Variants in CELSR2 observed in about 807,000 individuals in gnomAD.
CELSR2 encodes EGF-like protein 2.
CELSR2 carries 81 observed loss-of-function variants against 251.6 expected under a neutral mutation model. The observed-to-expected ratio is 0.32, with a 90% CI of 0.27 to 0.39. The LOEUF is 0.39. Among genes scored for constraint, CELSR2 ranks in the 10% least tolerant of loss-of-function variants. CELSR2 has a pLI of 1.00. For synonymous variants in CELSR2, 1,721 were observed against 1,670.5 expected (o/e 1.03, Z -0.74); for missense variants, 3,365 against 3,947.7 (o/e 0.85, Z 3.96).
chr1:109,267,863 C>T lies in CELSR2; in HGVS notation c.6121C>T (p.Gln2041Ter). 6.2e-7 allele frequency: 1 copy of T among 1,602,956 alleles called. No homozygotes were observed. The highest frequency in any genetic ancestry group is 8.5e-7 in the Non-Finnish European group (1 of 1,174,958). The change falls in exon 17 of 34, where the codon CAG becomes TAG. Residue 2041 changes from glutamine (Q) to a stop codon, truncating the protein, a stop_gained. Transcript: ENST00000271332. LOFTEE classifies it high-confidence loss of function. Reference sequence around the variant, plus strand: ...CCGTCCTGTCTAGGCTGAGCGGCTACAGCGGAATGAGTCAGGCCTAGACTC... The same window carrying T: ...CCGTCCTGTCTAGGCTGAGCGGCTATAGCGGAATGAGTCAGGCCTAGACTC... The part of the protein sequence containing the change: ...SELKGFAERL[Q>*]RNESGLDSGR...
rs1656364160 is a variant in CELSR2 at position 109,271,260 on chromosome 1, C to T, written c.7640C>T (p.Ala2547Val). 1 of 1,614,058 alleles carries T rather than the reference C, an allele frequency of 6.2e-7. No individual in the cohort carries two copies. The highest frequency in any genetic ancestry group is 2.2e-5 in the East Asian group (1 of 44,868). Reference sequence around the variant, plus strand: ...ATCCTGGCGGCCCGGGCCTCCTGTGCTGCCCAGCGGCAGGGCTTTGAGAAG... The same window carrying T: ...ATCCTGGCGGCCCGGGCCTCCTGTGTTGCCCAGCGGCAGGGCTTTGAGAAG... ...LYILAARASC[A>V]AQRQGFEKKG... Residue 2547 changes from alanine to valine, a missense_variant, in exon 26 of 34, where the codon GCT becomes GTT. Physicochemically the swap from Ala to Val is moderately conservative, Grantham distance 64. This residue lies in a region of CELSR2 where 2,093 missense variants were observed against 2,382.8 expected (regional missense o/e 0.88). Coordinates refer to ENST00000271332, the MANE Select transcript of CELSR2 (RefSeq NM_001408.3).
Position 109,261,603 on chromosome 1 carries a change from G to T in CELSR2, c.4272G>T (p.Glu1424Asp). 2 of 1,614,108 alleles carry T rather than the reference G, an allele frequency of 1.2e-6. No individual in the cohort carries two copies. The highest frequency in any genetic ancestry group is 1.7e-6 in the Non-Finnish European group (2 of 1,179,960). Residue 1424 changes from glutamate (E) to aspartate (D), a missense_variant, in exon 4 of 34, where the codon GAG (glutamate) becomes GAT (aspartate). By Grantham distance (45) the Glu-to-Asp change is conservative (BLOSUM62 2). Coordinates refer to ENST00000271332, the MANE Select transcript of CELSR2 (RefSeq NM_001408.3). The surrounding 1 kb of genome is among the most constrained non-coding windows in gnomAD (Gnocchi z 4.8). ...HDFVALEVIQ[E>D]QVQLTFSAGE... is the part of the protein sequence containing the mutation. ...TTGTGGCCCTCGAGGTGATCCAGGA[G>T]CAGGTCCAGCTCACCTTCTCTGCAG...
chr1:109,271,945 T>C (rs1158589376), intron 28 of CELSR2, among the ~76,000 whole-genome samples: 1 of 152,214 alleles, frequency 6.6e-6, no homozygotes, highest in African/African-American at 2.4e-5. Context: ...AATCAGGTAA[T>C]AAGTGCCTTG....
rs1376040101 is a variant in CELSR2, at chr1:109,251,197, G to A, written c.1118G>A (p.Gly373Asp). The change falls in exon 1 of 34, where the codon GGT becomes GAT. Residue 373 changes from glycine (G) to aspartate (D), a missense_variant. Physicochemically the swap from Gly to Asp is moderately conservative, Grantham distance 94. Around this residue, in one of 5 missense-constraint regions of CELSR2, gnomAD observed 704 missense variants for 784.1 expected, o/e 0.90. Coordinates refer to ENST00000271332, the MANE Select transcript of CELSR2 (RefSeq NM_001408.3). This position sits in a 1 kb window ranked among gnomAD's most constrained non-coding sequence, Gnocchi z 4.9. ...CTGACGGTAGAGGCAAGTGACCAGGGTCGGGACCCGGGTCCTCGGAGTACC... is the reference window on the plus strand; with the variant it reads ...CTGACGGTAGAGGCAAGTGACCAGGATCGGGACCCGGGTCCTCGGAGTACC... ...YQLTVEASDQGRDPGPRSTTA... is the reference protein window; with the variant it reads ...YQLTVEASDQDRDPGPRSTTA... 1.2e-6 allele frequency: 2 copies of A among 1,613,770 alleles called. No homozygotes were observed. The highest frequency in any genetic ancestry group is 1.3e-5 in the African/African-American group (1 of 75,014).
intron 29 of CELSR2, 41 bp downstream of exon 29, chr1:109,272,446 G>GCC (rs747164268): frequency 6.3e-7 from 1 of 1,582,064 alleles, no homozygotes; most frequent in South Asian, 1.1e-5. Flanking sequence ...GGGAGGAGGG[G>GCC]CCCACGCATG....
rs746810110 is a variant in CELSR2 at position 109,269,460 on chromosome 1, G to T, written c.6849G>T (p.Val2283=). The part of the protein sequence containing the change: ...PKRPIINTPV[V]SISVHDDEEL... ...GCCCGATCATCAACACACCCGTGGT[G>T]AGCATCAGCGTCCATGATGATGAGG... Residue 2283 remains valine (V), a synonymous_variant, in exon 21 of 34, where the codon GTG becomes GTT. Coordinates refer to ENST00000271332, the MANE Select transcript of CELSR2 (RefSeq NM_001408.3). The surrounding 1 kb of genome is among the most constrained non-coding windows in gnomAD (Gnocchi z 6.4). 6.2e-7 allele frequency: 1 copy of T among 1,614,054 alleles called. No homozygotes were observed.
In CELSR2 at chr1:109,258,714, C is replaced by T; in HGVS notation, c.3593C>T (p.Pro1198Leu). The T allele has an allele frequency of 7.1e-6, 11 of 1,554,568 alleles. No homozygotes were observed. The South Asian group carries it at 1.3e-4, about 18-fold the overall frequency. Residue 1198 changes from proline to leucine, a missense_variant, in exon 2 of 34, where the codon CCC (proline) becomes CTC (leucine). Transcript: ENST00000271332. ...GQPPGPGGGP[P>L]FLPSEDLQER... The stretch of plus-strand genomic sequence containing the variant: ...CCGCCAGGGCCCGGGGGCGGGCCGC[C>T]CTTCCTGCCCTCTGAGGACCTGCAG...
At position 109,252,721 on chromosome 1, in the gene CELSR2, G is replaced by A. The variant is rs1425992292; in HGVS notation, c.2642G>A (p.Arg881Gln). Reference protein sequence around the residue: ...GIVRTLRRLDRENVAQYVLRA... With the variant: ...GIVRTLRRLDQENVAQYVLRA... Reference sequence around the variant, plus strand: ...GTGCGAACGCTACGGAGGCTGGATCGAGAGAACGTGGCCCAGTATGTCTTG... The same window carrying A: ...GTGCGAACGCTACGGAGGCTGGATCAAGAGAACGTGGCCCAGTATGTCTTG... The change falls in exon 1 of 34, where the codon CGA (arginine) becomes CAA (glutamine). Residue 881 changes from arginine (R) to glutamine (Q), a missense_variant. Coordinates refer to ENST00000271332, the MANE Select transcript of CELSR2 (RefSeq NM_001408.3). This position sits in a 1 kb window ranked among gnomAD's most constrained non-coding sequence, Gnocchi z 4.8. The A allele has an allele frequency of 2.5e-6, 4 of 1,614,046 alleles. No homozygotes were observed. Among genetic ancestry groups the A allele is most frequent in the South Asian group, 1.1e-5 (1 of 91,086 alleles).
chr1:109,261,650 C>T lies in CELSR2; in HGVS notation c.4297+22C>T, dbSNP rs778102509. On this transcript the variant is annotated intron_variant, in intron 4 of 33. Coordinates refer to ENST00000271332, the MANE Select transcript of CELSR2 (RefSeq NM_001408.3). The surrounding 1 kb of genome is among the most constrained non-coding windows in gnomAD (Gnocchi z 4.8). ...GCAGGTGATCACAGTTGCCCCCCAT[C>T]CTTGCCCATCTTCCAAAGGCCCCAA... The T allele has an allele frequency of 6.3e-7, 1 of 1,599,392 alleles. No homozygotes were observed. The highest frequency in any genetic ancestry group is 1.1e-5 in the South Asian group (1 of 90,820).
chr1:109,252,900 G>A lies in CELSR2; in HGVS notation c.2821G>A (p.Ala941Thr). The part of the protein sequence containing the change: ...EENSPIGLAV[A>T]RVTATDPDEG... ...GAACAGCCCCATTGGGCTAGCCGTG[G>A]CCCGGGTCACAGCCACTGACCCCGA... The change falls in exon 1 of 34, where the codon GCC becomes ACC. Residue 941 changes from alanine (A) to threonine (T), a missense_variant. By Grantham distance (58) the Ala-to-Thr change is moderately conservative. Around this residue, in one of 5 missense-constraint regions of CELSR2, gnomAD observed 505 missense variants for 660.0 expected, o/e 0.77. Transcript: ENST00000271332. This position sits in a 1 kb window ranked among gnomAD's most constrained non-coding sequence, Gnocchi z 4.8. The A allele has an allele frequency of 6.2e-7, 1 of 1,612,580 alleles. No individual in the cohort carries two copies. Among genetic ancestry groups the A allele is most frequent in the Non-Finnish European group, 8.5e-7 (1 of 1,179,210 alleles).
intron 6 of CELSR2, 116 bp downstream of exon 6, chr1:109,262,560 C>T: frequency 7.0e-7 from 1 of 1,434,548 alleles, no homozygotes; most frequent in Non-Finnish European, 9.4e-7. Context: ...TTAGCCCCTG[C>T]TCAGCCCTGG....
chr1:109,259,385 A>G (rs868460954), intron 2 of CELSR2, among the ~76,000 whole-genome samples: 2 of 152,240 alleles, frequency 1.3e-5, no homozygotes, highest in Non-Finnish European at 2.9e-5. Context: ...ACCTTGAACA[A>G]GTTACTTAAC....
At chr1:109,267,723 G>A (rs967177446) in intron 16 of CELSR2, 81 bp downstream of exon 16, 16 of 1,562,866 alleles carry the variant, frequency 1.0e-5, no homozygotes, top group Middle Eastern at 1.7e-4. Context: ...CTTTGAGAAC[G>A]GGGCTTCTGG....
Position 109,252,878 on chromosome 1 carries a change from C to T in CELSR2, c.2799C>T (p.Asn933=), listed in dbSNP as rs1159735866. 2 of 1,612,772 alleles carry T rather than the reference C, an allele frequency of 1.2e-6. No individual in the cohort carries two copies. The highest frequency in any genetic ancestry group is 4.5e-5 in the East Asian group (2 of 44,870). ...AGTTTGATGTGTTTGTGGAAGAGAA[C>T]AGCCCCATTGGGCTAGCCGTGGCCC... is the stretch of plus-strand genomic sequence containing the variant. ...QDEFDVFVEE[N]SPIGLAVARV... Residue 933 remains asparagine (N), a synonymous_variant, in exon 1 of 34, where the codon AAC becomes AAT. Coordinates refer to ENST00000271332, the MANE Select transcript of CELSR2 (RefSeq NM_001408.3). This position sits in a 1 kb window ranked among gnomAD's most constrained non-coding sequence, Gnocchi z 4.8.
chr1:109,271,172 C>G (rs1656361540), intron 25 of CELSR2, 45 bp from the exon 26 acceptor site: 2 of 1,587,402 alleles, frequency 1.3e-6, no homozygotes, highest in Non-Finnish European at 1.7e-6. Flanking sequence ...TGGGTGGAAG[C>G]TGTTTGTCCC....
At chr1:109,263,881 A>G (rs1012925119) in intron 9 of CELSR2, 104 bp downstream of exon 9, 1 of 1,449,382 alleles carries the variant, frequency 6.9e-7, no homozygotes, top group South Asian at 1.4e-5. Context: ...AGGGGTGGGG[A>G]CATATAGAGG....
chr1:109,252,789 C>A lies in CELSR2; in HGVS notation c.2710C>A (p.Pro904Thr), dbSNP rs1364379726. 6.2e-7 allele frequency: 1 copy of A among 1,614,016 alleles called. No homozygotes were observed. The highest frequency in any genetic ancestry group is 1.6e-4 in the Middle Eastern group (1 of 6,062). Reference protein sequence around the residue: ...VDKGMPPARTPMEVTVTVLDV... With the variant: ...VDKGMPPARTTMEVTVTVLDV... ...CAAGGGGATGCCCCCAGCCCGCACA[C>A]CTATGGAAGTGACAGTCACTGTGTT... The change falls in exon 1 of 34, where the codon CCT (proline) becomes ACT (threonine). Residue 904 changes from proline to threonine, a missense_variant. Pro to Thr is a conservative substitution (Grantham distance 38, BLOSUM62 -1). Coordinates refer to ENST00000271332, the MANE Select transcript of CELSR2 (RefSeq NM_001408.3). This position sits in a 1 kb window ranked among gnomAD's most constrained non-coding sequence, Gnocchi z 4.8.
rs748320682 is a variant in CELSR2 at position 109,251,112 on chromosome 1, C to G, written c.1033C>G (p.Arg345Gly). 2 of 1,613,100 alleles carry G rather than the reference C, an allele frequency of 1.2e-6. No homozygotes were observed. Among genetic ancestry groups the G allele is most frequent in the African/African-American group, 2.7e-5 (2 of 74,928 alleles). Residue 345 changes from arginine to glycine, a missense_variant, in exon 1 of 34, where the codon CGC (arginine) becomes GGC (glycine). By Grantham distance (125) the Arg-to-Gly change is moderately radical. This residue lies in a region of CELSR2 where 704 missense variants were observed against 784.1 expected (regional missense o/e 0.90). Coordinates refer to ENST00000271332, the MANE Select transcript of CELSR2 (RefSeq NM_001408.3). This position sits in a 1 kb window ranked among gnomAD's most constrained non-coding sequence, Gnocchi z 4.9. ...CTCTGAAGTCTTTGAGATCGACCCT[C>G]GCTCTGGGGTGATCCGAACCCGTGG... is the stretch of plus-strand genomic sequence containing the variant. ...SPSEVFEIDP[R>G]SGVIRTRGPV...
rs377326489 is a variant in CELSR2, at chr1:109,269,497, C to G, written c.6886C>G (p.Arg2296Gly). 5 of 1,614,098 alleles carry G rather than the reference C, an allele frequency of 3.1e-6. No individual in the cohort carries two copies. The highest frequency in any genetic ancestry group is 1.7e-5 in the Admixed American group (1 of 60,022). Residue 2296 changes from arginine to glycine, a missense_variant, in exon 21 of 34, where the codon CGG becomes GGG. Coordinates refer to ENST00000271332, the MANE Select transcript of CELSR2 (RefSeq NM_001408.3). The surrounding 1 kb of genome is among the most constrained non-coding windows in gnomAD (Gnocchi z 6.4). ...CCATGATGATGAGGAGCTTCTGCCC[C>G]GGGCCCTGGACAAACCCGTCACGGT... ...SVHDDEELLP[R>G]ALDKPVTVQF...
Sources: allele counts gnomAD v4.1 joint callset (sites outside exome capture counted in the v4.1 genomes callset), GRCh38; gene constraint gnomAD v4.1.1; regional missense constraint gnomAD v4.1.1; non-coding constraint Gnocchi (gnomAD v3.1); transcripts MANE v1.5; gene names NCBI Gene and HGNC (gene_info 2026-07-23, HGNC 2026-07-21).